PDHX: variants seen among roughly 807,000 people sequenced by gnomAD.
PDHX encodes the protein pyruvate dehydrogenase protein X component, mitochondrial.
Under a neutral mutation model 55.3 loss-of-function variants are expected in PDHX, and 33 were observed. That is an observed-to-expected ratio of 0.60 (90% CI 0.45 to 0.80). PDHX has a LOEUF of 0.80. Among genes scored for constraint, PDHX ranks in the 30% least tolerant of loss-of-function variants. The pLI is 0.00. For synonymous variants in PDHX, 226 were observed against 219.4 expected (o/e 1.03, Z -0.27); for missense variants, 622 against 619.9 (o/e 1.00, Z -0.04).
chr11:34,969,160 T>C (rs987427977), intron 6 of PDHX, among the ~76,000 whole-genome samples: 17 of 152,294 alleles, frequency 1.1e-4, no homozygotes, highest in Middle Eastern at 3.4e-3. Flanking sequence ...ACATTTATGG[T>C]AGGCTATGCT....
intron 8 of PDHX, among the ~76,000 whole-genome samples, chr11:34,982,990 A>G (rs1477554639): frequency 4.6e-5 from 7 of 152,200 alleles, no homozygotes; most frequent in Non-Finnish European, 8.8e-5. Context: ...TTTTAGACCA[A>G]TATCCCTGAT....
At chr11:34,974,169 ATTCCTCT>A (rs1316500840) in intron 7 of PDHX, among the ~76,000 whole-genome samples, 1 of 152,186 alleles carries the variant, frequency 6.6e-6, no homozygotes, top group African/African-American at 2.4e-5. Flanking sequence ...TATACTCTTC[ATTCCTCT>A]TTCCCACCAC....
chr11:34,953,895 A>G (rs1183900899), intron 3 of PDHX, among the ~76,000 whole-genome samples: 1 of 150,176 alleles, frequency 6.7e-6, no homozygotes, highest in Non-Finnish European at 1.5e-5. Context: ...AGTGCTTGGC[A>G]CTTGAAAGCC....
At chr11:34,978,309 C>T (rs1855425585) in intron 8 of PDHX, 127 bp downstream of exon 8, 2 of 666,170 alleles carry the variant, frequency 3.0e-6, no homozygotes, top group East Asian at 5.3e-5. Context: ...TAAAAATATC[C>T]TATCGTTTGA....
intron 1 of PDHX, among the ~76,000 whole-genome samples, chr11:34,928,789 T>C: frequency 6.6e-6 from 1 of 152,192 alleles, no homozygotes; most frequent in African/African-American, 2.4e-5. Context: ...AGAGTATGTG[T>C]GTATGTGTGT....
At chr11:34,986,794 C>T (rs928479431) in intron 9 of PDHX, among the ~76,000 whole-genome samples, 1 of 152,100 alleles carries the variant, frequency 6.6e-6, no homozygotes, top group African/African-American at 2.4e-5. Flanking sequence ...TGGTCTCTGG[C>T]GGGCCTTGGG....
chr11:34,938,182 C>T (rs1215563311), intron 2 of PDHX, among the ~76,000 whole-genome samples: 2 of 151,984 alleles, frequency 1.3e-5, no homozygotes, highest in Non-Finnish European at 2.9e-5. Context: ...TTGCATGTAG[C>T]ACATAGAGAC....
At chr11:34,939,370 A>G (rs564964874) in intron 2 of PDHX, among the ~76,000 whole-genome samples, 2 of 152,234 alleles carry the variant, frequency 1.3e-5, no homozygotes, top group African/African-American at 2.4e-5. Flanking sequence ...CGAAGACTAG[A>G]TAAGTATTTG....
At chr11:34,931,604 C>T (rs1178009239) in intron 2 of PDHX, 120 bp downstream of exon 2, 4 of 653,790 alleles carry the variant, frequency 6.1e-6, no homozygotes, top group East Asian at 2.8e-5. Context: ...AAATTGTGTT[C>T]CTTTGGTAGT....
intron 8 of PDHX, among the ~76,000 whole-genome samples, chr11:34,979,739 T>C (rs1384815862): frequency 2.0e-5 from 3 of 152,132 alleles, no homozygotes; most frequent in Admixed American, 1.3e-4. Flanking sequence ...CTTAAATAAA[T>C]CTCTAATGGG....
At chr11:34,947,159 G>A (rs752285816) in intron 2 of PDHX, among the ~76,000 whole-genome samples, 9 of 152,188 alleles carry the variant, frequency 5.9e-5, no homozygotes, top group Non-Finnish European at 1.2e-4. Flanking sequence ...GAAAAAGTAA[G>A]GGGGATATGG....
intron 10 of PDHX, among the ~76,000 whole-genome samples, chr11:34,992,878 G>A (rs1855785725): frequency 6.6e-6 from 1 of 152,096 alleles, no homozygotes; most frequent in Non-Finnish European, 1.5e-5. Flanking sequence ...AGACCTAAAA[G>A]TAGAATTCCT....
rs387906998 is a variant in PDHX, at chr11:34,916,699, G to A, written c.44G>A (p.Arg15His). Residue 15 changes from arginine (R) to histidine (H), a missense_variant, in exon 1 of 11, where the codon CGT becomes CAT. Arg to His is a conservative substitution (Grantham distance 29, BLOSUM62 0). Coordinates refer to ENST00000227868, the MANE Select transcript of PDHX (RefSeq NM_003477.3). ...WRLGCDPRLL[R>H]YLVGFPGRRS... The stretch of plus-strand genomic sequence containing the variant: ...CTGGGCTGTGATCCGCGGCTGCTGC[G>A]TTATCTTGTGGGCTTCCCCGGCCGC... 2.5e-4 allele frequency: 403 copies of A among 1,612,796 alleles called. 3 individuals carry two copies. In the South Asian group the frequency reaches 3.7e-3, roughly 15 times the overall value.
chr11:34,919,955 T>A (rs1176484692), intron 1 of PDHX, among the ~76,000 whole-genome samples: 1 of 152,220 alleles, frequency 6.6e-6, no homozygotes, highest in Non-Finnish European at 1.5e-5. Flanking sequence ...TTGTAGTCTC[T>A]TTGGGGACAT....
In PDHX at chr11:34,991,806, A is replaced by G. The variant is rs527956633; in HGVS notation, c.1183-509A>G. ...GTGCCTGAAATCTCAGCTACTCAGG[A>G]CGCTGAGGCAAGAGAATTGCTTGAA... is the stretch of plus-strand genomic sequence containing the variant. On this transcript the variant is annotated intron_variant, in intron 9 of 10. Transcript: ENST00000227868. Among the ~76,000 whole-genome samples, 10 of 151,140 alleles carry G rather than the reference A, an allele frequency of 6.6e-5. 1 individual carries two copies. In the East Asian group the frequency reaches 1.9e-3, roughly 29 times the overall value.
intron 2 of PDHX, among the ~76,000 whole-genome samples, chr11:34,936,794 T>TTC (rs1333933640): frequency 2.4e-5 from 3 of 125,116 alleles, no homozygotes; most frequent in Non-Finnish European, 4.9e-5. Flanking sequence ...TTTTTTTTTT[T>TTC]TTTTTTTTTT....
rs139052284 is a variant in PDHX at position 34,960,466 on chromosome 11, C to G, written c.589C>G (p.Leu197Val). 2 of 1,613,394 alleles carry G rather than the reference C, an allele frequency of 1.2e-6. No individual in the cohort carries two copies. Among genetic ancestry groups the G allele is most frequent in the Admixed American group, 1.7e-5 (1 of 59,978 alleles). The change falls in exon 5 of 11, where the codon CTG becomes GTG. Residue 197 changes from leucine (L) to valine (V), a missense_variant. Leu to Val is a conservative substitution (Grantham distance 32, BLOSUM62 1). Transcript: ENST00000227868. ...AARNILEKHSLDASQGTATGP... is the reference protein window; with the variant it reads ...AARNILEKHSVDASQGTATGP... ...CCGCAATATTCTGGAAAAACACTCA[C>G]TGGATGCTAGCCAGGGCACAGCCAC...
chr11:34,922,055 AC>A (rs1853893998), intron 1 of PDHX, among the ~76,000 whole-genome samples: 1 of 152,172 alleles, frequency 6.6e-6, no homozygotes, highest in Non-Finnish European at 1.5e-5. Context: ...AGAAGAGAGG[AC>A]CTTTCTTCTT....
intron 2 of PDHX, among the ~76,000 whole-genome samples, chr11:34,941,439 G>A (rs896413539): frequency 5.9e-5 from 9 of 151,982 alleles, no homozygotes. Flanking sequence ...CATTCACATG[G>A]GCAGCTAGTA....
Sources: gnomAD v4.1 joint callset for allele counts (sites outside exome capture counted in the v4.1 genomes callset) on GRCh38, gnomAD v4.1.1 for gene constraint, MANE v1.5 for transcripts, NCBI Gene and HGNC (gene_info 2026-07-23, HGNC 2026-07-21) for gene names.